The following ADAM17 variants were observed in gnomAD, a reference collection of about 807,000 sequenced individuals.
The protein encoded by ADAM17 is disintegrin and metalloproteinase domain-containing protein 17.
Under a neutral mutation model 96.7 loss-of-function variants are expected in ADAM17, and 39 were observed. The observed-to-expected ratio is 0.40, with a 90% CI of 0.31 to 0.53. ADAM17 has a LOEUF of 0.53. Ranked by LOEUF, ADAM17 falls within the 20% of genes least tolerant of loss-of-function variation. ADAM17 has a pLI of 0.44. For synonymous variants in ADAM17, 344 were observed against 359.2 expected (o/e 0.96, Z 0.48); for missense variants, 777 against 1,013.2 (o/e 0.77, Z 3.17).
At chr2:9,500,869 GCT>G (rs1365701690) in intron 13 of ADAM17, among the ~76,000 whole-genome samples, 1 of 152,184 alleles carries the variant, frequency 6.6e-6, no homozygotes, top group Non-Finnish European at 1.5e-5. Context: ...GGAAAGGTTA[GCT>G]CCAGAAAGAT....
intron 1 of ADAM17, among the ~76,000 whole-genome samples, chr2:9,554,809 A>G (rs1665691486): frequency 6.6e-6 from 1 of 152,172 alleles, no homozygotes; most frequent in Non-Finnish European, 1.5e-5. Context: ...TAGCCTCTAA[A>G]TTCATCAAAC....
intron 1 of ADAM17, among the ~76,000 whole-genome samples, chr2:9,554,839 C>A (rs1048445016): frequency 6.6e-6 from 1 of 152,088 alleles, no homozygotes; most frequent in East Asian, 1.9e-4. Context: ...TTGATAATTT[C>A]TTTGTTTAAA....
intron 14 of ADAM17, among the ~76,000 whole-genome samples, chr2:9,495,860 C>T (rs980569112): frequency 7.2e-6 from 1 of 138,664 alleles, no homozygotes; most frequent in East Asian, 2.1e-4. Flanking sequence ...TACGTGTTAC[C>T]TTTTTTTTTT....
intron 11 of ADAM17, among the ~76,000 whole-genome samples, chr2:9,507,443 A>G (rs1204406482): frequency 1.3e-5 from 2 of 152,182 alleles, no homozygotes; most frequent in African/African-American, 4.8e-5. Flanking sequence ...TGGAGGTTGC[A>G]GTGAGCAGAG....
intron 13 of ADAM17, 116 bp downstream of exon 13, chr2:9,502,057 C>T (rs902132509): frequency 1.4e-5 from 13 of 914,254 alleles, no homozygotes; most frequent in African/African-American, 1.3e-4. Flanking sequence ...AAACTCAACC[C>T]GGCATATGAG....
At chr2:9,494,085 A>T (rs1490979864) in intron 15 of ADAM17, among the ~76,000 whole-genome samples, 1 of 152,200 alleles carries the variant, frequency 6.6e-6, no homozygotes, top group Non-Finnish European at 1.5e-5. Flanking sequence ...CAGTTTGCTA[A>T]AGATGAGGCA....
chr2:9,524,947 A>C (rs557765135), intron 6 of ADAM17, among the ~76,000 whole-genome samples: 1 of 152,308 alleles, frequency 6.6e-6, no homozygotes, highest in Admixed American at 6.5e-5. Context: ...ATGCCTAAGA[A>C]GTTGTAAAAA....
At chr2:9,511,641 G>C (rs1006766947) in intron 10 of ADAM17, among the ~76,000 whole-genome samples, 4 of 152,004 alleles carry the variant, frequency 2.6e-5, no homozygotes, top group South Asian at 2.1e-4. Flanking sequence ...TGCCAATAAA[G>C]CTAAAATTTT....
At chr2:9,537,116 A>G (rs1382148439) in intron 2 of ADAM17, among the ~76,000 whole-genome samples, 1 of 152,264 alleles carries the variant, frequency 6.6e-6, no homozygotes, top group East Asian at 1.9e-4. Context: ...GAATAAGGAA[A>G]CACACATGAC....
intron 10 of ADAM17, among the ~76,000 whole-genome samples, chr2:9,514,472 C>G (rs62117545): frequency 7.2e-6 from 1 of 139,176 alleles, no homozygotes; most frequent in African/African-American, 2.7e-5. Context: ...ATGTAACAAA[C>G]CTGCACGTTG....
chr2:9,494,061 A>T (rs1662366942), intron 15 of ADAM17, among the ~76,000 whole-genome samples: 1 of 152,234 alleles, frequency 6.6e-6, no homozygotes, highest in Admixed American at 6.5e-5. Flanking sequence ...CCAGGAGACA[A>T]AAATCAAGGA....
chr2:9,528,088 A>G, intron 4 of ADAM17, 134 bp from the exon 5 acceptor site: 1 of 538,064 alleles, frequency 1.9e-6, no homozygotes, highest in Non-Finnish European at 2.9e-6. Flanking sequence ...TCATGTTATT[A>G]AAATAAATAA....
intron 11 of ADAM17, chr2:9,505,583 T>C: frequency 1.8e-6 from 1 of 564,622 alleles, no homozygotes; most frequent in Non-Finnish European, 3.2e-6. Flanking sequence ...GTGAACTTGG[T>C]TAAGGATCTA....
At chr2:9,523,670 C>T (rs1460251997) in intron 6 of ADAM17, among the ~76,000 whole-genome samples, 2 of 152,128 alleles carry the variant, frequency 1.3e-5, no homozygotes, top group Non-Finnish European at 2.9e-5. Context: ...AAAAGTCAAT[C>T]AGTATACCTG....
At chr2:9,494,322 TAGTC>T (rs769210613) in intron 15 of ADAM17, among the ~76,000 whole-genome samples, 9 of 152,322 alleles carry the variant, frequency 5.9e-5, no homozygotes, top group South Asian at 4.1e-4. Context: ...TTTGCAATCT[TAGTC>T]AGTTCTGTAA....
intron 10 of ADAM17, among the ~76,000 whole-genome samples, chr2:9,515,351 C>G (rs1480899194): frequency 6.6e-6 from 1 of 151,728 alleles, no homozygotes; most frequent in African/African-American, 2.4e-5. Context: ...TTATTTTTTT[C>G]TCATTTTATG....
chr2:9,491,345 T>C (rs1662127339), intron 17 of ADAM17, among the ~76,000 whole-genome samples, 194 bp from the exon 18 acceptor site: 1 of 152,226 alleles, frequency 6.6e-6, no homozygotes, highest in African/African-American at 2.4e-5. Context: ...AAGTGTTTCC[T>C]TTGCACTCAA....
At chr2:9,498,902 G>C (rs1662810981) in intron 13 of ADAM17, among the ~76,000 whole-genome samples, 1 of 152,144 alleles carries the variant, frequency 6.6e-6, no homozygotes, top group Non-Finnish European at 1.5e-5. Flanking sequence ...TCTGAAAATG[G>C]TATCATCTAT....
At chr2:9,502,322 C>T (rs1663053358) in intron 12 of ADAM17, 46 bp from the exon 13 acceptor site, 1 of 1,499,700 alleles carries the variant, frequency 6.7e-7, no homozygotes, top group Admixed American at 1.7e-5. Flanking sequence ...AAATTATGGC[C>T]CCATATCAAA....
Sources: gnomAD v4.1 joint callset for allele counts (sites outside exome capture counted in the v4.1 genomes callset) on GRCh38, gnomAD v4.1.1 for gene constraint, MANE v1.5 for transcripts, NCBI Gene and HGNC (gene_info 2026-07-23, HGNC 2026-07-21) for gene names.